Variants in LPP observed in about 807,000 individuals in gnomAD.
The protein encoded by LPP is lipoma-preferred partner.
LPP carries 38 observed loss-of-function variants against 60.4 expected under a neutral mutation model. The ratio of observed to expected loss-of-function variants is 0.63; its 90% CI spans 0.49 to 0.83. The LOEUF (loss-of-function observed/expected upper bound fraction) is 0.83, where lower values mean the gene tolerates loss of function less well. Ranked by LOEUF, LPP falls within the 40% of genes least tolerant of loss-of-function variation. The pLI is 0.00. For missense variants in LPP, 902 were observed against 783.6 expected (o/e 1.15, Z -1.80); for synonymous variants, 328 against 290.8 (o/e 1.13, Z -1.30).
intron 4 of LPP, among the ~76,000 whole-genome samples, chr3:188,419,828 TG>T (rs1274818767): frequency 6.6e-6 from 1 of 152,198 alleles, no homozygotes; most frequent in Non-Finnish European, 1.5e-5. Flanking sequence ...AGGTGGAGGT[TG>T]CTGTAAGCCA....
chr3:188,635,312 C>T (rs1286606521), intron 7 of LPP, among the ~76,000 whole-genome samples: 4 of 152,152 alleles, frequency 2.6e-5, no homozygotes, highest in Admixed American at 1.3e-4. Context: ...GAAAGCTTGT[C>T]GTTGCATCTA....
chr3:188,528,753 A>G (rs978904223), intron 6 of LPP, among the ~76,000 whole-genome samples: 1 of 152,172 alleles, frequency 6.6e-6, no homozygotes, highest in Non-Finnish European at 1.5e-5. Flanking sequence ...CGTGAGCACA[A>G]CTGGACTTTG....
At chr3:188,840,164 AC>A (rs1162143809) in intron 9 of LPP, among the ~76,000 whole-genome samples, 4 of 152,228 alleles carry the variant, frequency 2.6e-5, no homozygotes, top group Admixed American at 2.6e-4. Context: ...TTTCCAAGAA[AC>A]CCACGATTTC....
At chr3:188,342,943 T>A (rs776456545) in intron 3 of LPP, among the ~76,000 whole-genome samples, 195 of 152,268 alleles carry the variant, frequency 1.3e-3, no homozygotes, top group Non-Finnish European at 1.6e-3. Context: ...TGTTTTTATT[T>A]TTATTATTAT....
At chr3:188,581,565 C>T (rs2150985997) in intron 6 of LPP, among the ~76,000 whole-genome samples, 1 of 152,194 alleles carries the variant, frequency 6.6e-6, no homozygotes, top group Admixed American at 6.5e-5. Flanking sequence ...TCATTGACCA[C>T]AGGACAAGTG....
intron 9 of LPP, among the ~76,000 whole-genome samples, chr3:188,800,008 G>T (rs1746534633): frequency 6.6e-6 from 1 of 151,998 alleles, no homozygotes; most frequent in Non-Finnish European, 1.5e-5. Context: ...TACACACATT[G>T]TTCTGCACCT....
At chr3:188,827,139 A>C (rs953389981) in intron 9 of LPP, among the ~76,000 whole-genome samples, 5 of 152,196 alleles carry the variant, frequency 3.3e-5, no homozygotes, top group Non-Finnish European at 7.3e-5. Context: ...GAACATCAAA[A>C]GAATCTAGCC....
chr3:188,413,032 A>C (rs1050458626), intron 4 of LPP, among the ~76,000 whole-genome samples: 1 of 152,092 alleles, frequency 6.6e-6, no homozygotes, highest in Non-Finnish European at 1.5e-5. Context: ...GTTCCTAGGA[A>C]CTGATGAGTC....
intron 9 of LPP, among the ~76,000 whole-genome samples, chr3:188,786,909 C>T (rs1742100973): frequency 6.6e-6 from 1 of 152,080 alleles, no homozygotes; most frequent in Non-Finnish European, 1.5e-5. Context: ...TAGTGTTTGT[C>T]AGGAGTTAGG....
chr3:188,619,444 C>G (rs1308809218), intron 7 of LPP, among the ~76,000 whole-genome samples: 4 of 152,244 alleles, frequency 2.6e-5, no homozygotes, highest in Non-Finnish European at 4.4e-5. Context: ...AAAATGGGAA[C>G]TGGAGAGGAG....
intron 6 of LPP, among the ~76,000 whole-genome samples, chr3:188,541,637 C>T (rs1291560505): frequency 1.3e-5 from 2 of 151,960 alleles, no homozygotes; most frequent in East Asian, 3.9e-4. Flanking sequence ...TTAAATATGC[C>T]TGTAATCCCA....
chr3:188,458,975 A>G (rs1798383694), intron 4 of LPP, among the ~76,000 whole-genome samples: 1 of 152,124 alleles, frequency 6.6e-6, no homozygotes, highest in Non-Finnish European at 1.5e-5. Flanking sequence ...GAGAGACCCC[A>G]GGTTGATCTG....
chr3:188,654,377 G>A (rs1852704346), intron 7 of LPP, among the ~76,000 whole-genome samples: 1 of 152,158 alleles, frequency 6.6e-6, no homozygotes, highest in South Asian at 2.1e-4. Flanking sequence ...TAGACAGGGA[G>A]ATAGAACATT....
At chr3:188,835,643 A>G (rs1758275881) in intron 9 of LPP, among the ~76,000 whole-genome samples, 1 of 152,070 alleles carries the variant, frequency 6.6e-6, no homozygotes, top group African/African-American at 2.4e-5. Flanking sequence ...AGAATACACT[A>G]TGAGGCAGTG....
chr3:188,543,686 A>C (rs1029202582), intron 6 of LPP, among the ~76,000 whole-genome samples: 1 of 152,190 alleles, frequency 6.6e-6, no homozygotes, highest in Non-Finnish European at 1.5e-5. Flanking sequence ...CAATAGGTAG[A>C]GTTTGATTAC....
At chr3:188,348,860 G>T (rs1395649169) in intron 3 of LPP, among the ~76,000 whole-genome samples, 2 of 152,024 alleles carry the variant, frequency 1.3e-5, no homozygotes, top group Non-Finnish European at 2.9e-5. Context: ...GGGGCATGCT[G>T]TACCATGCCT....
chr3:188,414,012 T>C (rs1477299342), intron 4 of LPP, among the ~76,000 whole-genome samples: 1 of 152,182 alleles, frequency 6.6e-6, no homozygotes, highest in Non-Finnish European at 1.5e-5. Context: ...AGCAGTCATT[T>C]ACTTAAAACA....
rs900009317 is a variant in LPP, at chr3:188,609,639, C to T, written c.908C>T (p.Ala303Val). The change falls in exon 7 of 12, where the codon GCA becomes GTA. Residue 303 changes from alanine to valine, a missense_variant. Transcript: ENST00000617246. This position sits in a 1 kb window ranked among gnomAD's most constrained non-coding sequence, Gnocchi z 6.9. ...CGCTATTATGAAGGCTACTATGCAG[C>T]AGGGCCAGGCTATGGGGGCAGAAAT... ...QGRYYEGYYAAGPGYGGRNDS... is the reference protein window; with the variant it reads ...QGRYYEGYYAVGPGYGGRNDS... 2 of 1,614,006 alleles carry T rather than the reference C, an allele frequency of 1.2e-6. No homozygotes were observed.
At chr3:188,350,428 G>A (rs1425056661) in intron 3 of LPP, among the ~76,000 whole-genome samples, 1 of 152,218 alleles carries the variant, frequency 6.6e-6, no homozygotes, top group Admixed American at 6.5e-5. Flanking sequence ...GCAAAAACCA[G>A]CTTGCAGTGG....
Sources: gnomAD v4.1 joint callset for allele counts (sites outside exome capture counted in the v4.1 genomes callset) on GRCh38, gnomAD v4.1.1 for gene constraint, Gnocchi (gnomAD v3.1) non-coding constraint, MANE v1.5 for transcripts, NCBI Gene and HGNC (gene_info 2026-07-23, HGNC 2026-07-21) for gene names.